The following DPYD variants were observed in gnomAD, a reference collection of about 807,000 sequenced individuals.
DPYD encodes the protein dihydropyrimidine dehydrogenase.
Under a neutral mutation model 116.2 loss-of-function variants are expected in DPYD, and 109 were observed. The ratio of observed to expected loss-of-function variants is 0.94; its 90% CI spans 0.80 to 1.10. DPYD has a LOEUF of 1.10. Among genes scored for constraint, DPYD ranks in the 50% least tolerant of loss-of-function variants. The pLI is 0.00. For synonymous variants in DPYD, 440 were observed against 432.0 expected, an observed-to-expected ratio of 1.02 and a Z score of -0.23; for missense variants, 1,302 against 1,254.5, an observed-to-expected ratio of 1.04 and a Z score of -0.57.
intron 14 of DPYD, among the ~76,000 whole-genome samples, chr1:97,400,296 A>G (rs1044344196): frequency 1.2e-4 from 18 of 152,170 alleles, no homozygotes; most frequent in Non-Finnish European, 2.4e-4. Flanking sequence ...CCAGGGATGA[A>G]GCTCACTTGA....
At chr1:97,253,359 A>G (rs1663236374) in intron 18 of DPYD, among the ~76,000 whole-genome samples, 1 of 152,176 alleles carries the variant, frequency 6.6e-6, no homozygotes. Context: ...TCAGCTTTTA[A>G]TTATTCTTTA....
chr1:97,665,364 A>T (rs1470263767), intron 8 of DPYD, among the ~76,000 whole-genome samples: 1 of 152,198 alleles, frequency 6.6e-6, no homozygotes, highest in Non-Finnish European at 1.5e-5. Flanking sequence ...TGCCTCCCAT[A>T]AAATAACAAT....
At chr1:97,232,690 A>G (rs1258088946) in intron 19 of DPYD, among the ~76,000 whole-genome samples, 1 of 151,592 alleles carries the variant, frequency 6.6e-6, no homozygotes, top group Non-Finnish European at 1.5e-5. Context: ...CTCTTATTTT[A>G]CTATTGAGCA....
rs557192663 is a variant in DPYD at position 97,721,249 on chromosome 1, G to A, written c.483+261C>T. On this transcript the variant is annotated intron_variant, in intron 5 of 22. Transcript: ENST00000370192. ...AGTTAATGAATAAGTTCTATTTTCG[G>A]ATCATCTAATTTATATAATTTCAGT... is the stretch of plus-strand genomic sequence containing the variant. Among the ~76,000 whole-genome samples, 5 of 151,730 alleles carry A rather than the reference G, an allele frequency of 3.3e-5. No homozygotes were observed. The South Asian group carries it at 6.2e-4, about 19-fold the overall frequency.
chr1:97,206,349 T>G (rs559506499), intron 19 of DPYD, among the ~76,000 whole-genome samples: 1 of 152,138 alleles, frequency 6.6e-6, no homozygotes, highest in East Asian at 1.9e-4. Flanking sequence ...GGTTACTTAT[T>G]ATGTTTTAAA....
chr1:97,917,712 T>C (rs1242934152), intron 1 of DPYD, among the ~76,000 whole-genome samples: 3 of 152,202 alleles, frequency 2.0e-5, no homozygotes, highest in South Asian at 2.1e-4. Context: ...CAGTAACAGA[T>C]AGCAACTTGG....
intron 20 of DPYD, among the ~76,000 whole-genome samples, chr1:97,133,613 G>A (rs1653499793): frequency 6.6e-6 from 1 of 151,980 alleles, no homozygotes; most frequent in East Asian, 1.9e-4. Flanking sequence ...CCATATCACA[G>A]AGCACACTGC....
chr1:97,891,957 A>AT (rs1168339343), intron 1 of DPYD, among the ~76,000 whole-genome samples: 1 of 151,820 alleles, frequency 6.6e-6, no homozygotes, highest in Admixed American at 6.6e-5. Context: ...TGTTGCTGAC[A>AT]TTTTGTACTT....
chr1:97,529,473 C>T (rs1288202267), intron 12 of DPYD, among the ~76,000 whole-genome samples: 1 of 152,002 alleles, frequency 6.6e-6, no homozygotes, highest in Non-Finnish European at 1.5e-5. Context: ...TATTACACAC[C>T]TTTTTTTCCA....
chr1:97,248,617 A>C (rs1216006508), intron 18 of DPYD, among the ~76,000 whole-genome samples: 3 of 152,220 alleles, frequency 2.0e-5, no homozygotes, highest in Non-Finnish European at 4.4e-5. Flanking sequence ...TGAGTATCTC[A>C]AAAGGGTACA....
intron 8 of DPYD, among the ~76,000 whole-genome samples, chr1:97,646,639 G>A (rs150109551): frequency 2.0e-5 from 3 of 151,700 alleles, no homozygotes; most frequent in African/African-American, 4.8e-5. Flanking sequence ...CTTATCTCTT[G>A]GTAAATTAAT....
chr1:97,749,355 A>G (rs570952486), intron 3 of DPYD, among the ~76,000 whole-genome samples: 2 of 152,320 alleles, frequency 1.3e-5, no homozygotes, highest in South Asian at 4.1e-4. Context: ...ACATATACAT[A>G]TGCTTTAAGT....
rs894846640 is a variant in DPYD at position 97,410,091 on chromosome 1, GAAGA to G, written c.1906-27634_1906-27631del. 8.4e-5 allele frequency among the ~76,000 whole-genome samples: 12 copies of G among 142,114 alleles called. No homozygotes were observed. The East Asian group carries it at 8.6e-4, about 10-fold the overall frequency. The allele number at this position is 142,114 out of a possible 152,430, so 93.2% of individuals were successfully genotyped here. On this transcript the variant is annotated intron_variant, in intron 14 of 22. Coordinates refer to ENST00000370192, the MANE Select transcript of DPYD (RefSeq NM_000110.4). Reference sequence around the variant, plus strand: ...AAAAAAGAAAAAGAAAGAAGAAGAAGAAGAAAAAAAAAAACTACAAACGACCTCC... The same window carrying G: ...AAAAAAGAAAAAGAAAGAAGAAGAAGAAAAAAAAAACTACAAACGACCTCC...
At chr1:97,770,417 A>C (rs1666079873) in intron 3 of DPYD, among the ~76,000 whole-genome samples, 1 of 152,210 alleles carries the variant, frequency 6.6e-6, no homozygotes, top group African/African-American at 2.4e-5. Flanking sequence ...CCTTTTAAAA[A>C]AACTTTCCAT....
intron 8 of DPYD, among the ~76,000 whole-genome samples, chr1:97,664,731 G>T (rs1178884010): frequency 6.6e-6 from 1 of 151,968 alleles, no homozygotes; most frequent in Non-Finnish European, 1.5e-5. Flanking sequence ...AGAAACAAGG[G>T]TCTTCGAGTG....
chr1:97,194,418 C>T (rs1309429454), intron 19 of DPYD, among the ~76,000 whole-genome samples: 1 of 152,134 alleles, frequency 6.6e-6, no homozygotes, highest in Non-Finnish European at 1.5e-5. Context: ...TGTAAGTTTC[C>T]CGAGGCCTCC....
Position 97,373,519 on chromosome 1 carries a change from T to C in DPYD, c.2058+42A>G, listed in dbSNP as rs368002831. ...TAACTATCCATACGGGGGCCTGTTA[T>C]GTCACACTGACATACTTAGTGGCAG... On this transcript the variant is annotated intron_variant, in intron 16 of 22. Coordinates refer to ENST00000370192, the MANE Select transcript of DPYD (RefSeq NM_000110.4). 8.9e-6 allele frequency: 14 copies of C among 1,569,908 alleles called. No homozygotes were observed. The African/African-American group carries it at 1.1e-4, about 12-fold the overall frequency.
intron 18 of DPYD, among the ~76,000 whole-genome samples, chr1:97,297,063 A>C (rs1666580358): frequency 6.6e-6 from 1 of 152,196 alleles, no homozygotes; most frequent in Non-Finnish European, 1.5e-5. Context: ...TATATGGTTT[A>C]TAACGTTTTA....
intron 2 of DPYD, among the ~76,000 whole-genome samples, chr1:97,842,401 G>A (rs1670080081): frequency 6.6e-6 from 1 of 151,778 alleles, no homozygotes; most frequent in African/African-American, 2.4e-5. Context: ...ATTTTCAAAT[G>A]GTCTTTCAAA....
Sources: gnomAD v4.1 joint callset for allele counts (sites outside exome capture counted in the v4.1 genomes callset) on GRCh38, gnomAD v4.1.1 for gene constraint, MANE v1.5 for transcripts, NCBI Gene and HGNC (gene_info 2026-07-23, HGNC 2026-07-21) for gene names.